CNTNAP4: variants seen among roughly 807,000 people sequenced by gnomAD.
CNTNAP4 encodes the protein contactin-associated protein-like 4.
CNTNAP4 carries 98 observed loss-of-function variants against 148.4 expected under a neutral mutation model. The ratio of observed to expected loss-of-function variants is 0.66; its 90% CI spans 0.56 to 0.78. The LOEUF is 0.78. Ranked by LOEUF, CNTNAP4 falls within the 30% of genes least tolerant of loss-of-function variation. CNTNAP4 has a pLI of 0.00. For missense variants in CNTNAP4, 1,935 were observed against 1,565.6 expected, an observed-to-expected ratio of 1.24 and a Z score of -3.98; for synonymous variants, 730 against 565.1, an observed-to-expected ratio of 1.29 and a Z score of -4.14.
chr16:76,417,791 C>T (rs781202630), intron 3 of CNTNAP4, among the ~76,000 whole-genome samples: 24 of 151,600 alleles, frequency 1.6e-4, no homozygotes, highest in Admixed American at 4.0e-4. Flanking sequence ...GGAATGCTCT[C>T]GATGCATTCC....
At chr16:76,286,425 C>G (rs1256903478) in intron 1 of CNTNAP4, among the ~76,000 whole-genome samples, 4 of 152,066 alleles carry the variant, frequency 2.6e-5, no homozygotes, top group East Asian at 1.9e-4. Flanking sequence ...CTTCTTGGCT[C>G]TAGTTTAAAT....
intron 3 of CNTNAP4, among the ~76,000 whole-genome samples, chr16:76,363,945 T>C (rs1055318322): frequency 7.9e-5 from 12 of 152,024 alleles, no homozygotes; most frequent in Admixed American, 5.9e-4. Flanking sequence ...AGCTTTACCT[T>C]AATATATAAT....
chr16:76,553,158 G>C (rs1005255549), intron 21 of CNTNAP4, 125 bp from the exon 22 acceptor site: 2 of 589,106 alleles, frequency 3.4e-6, no homozygotes, highest in African/African-American at 3.7e-5. Flanking sequence ...TTTTAGTAAA[G>C]ATAAAATTAA....
intron 12 of CNTNAP4, among the ~76,000 whole-genome samples, chr16:76,479,986 A>G (rs28726345): frequency 0.43 from 65,107 of 151,926 alleles, 13,954 homozygotes; most frequent in Admixed American, 0.44. Flanking sequence ...CAAATTACCA[A>G]TAGAAGGAAG....
At chr16:76,503,055 A>G (rs79574950) in intron 15 of CNTNAP4, among the ~76,000 whole-genome samples, 4,959 of 152,234 alleles carry the variant, frequency 0.033, 179 homozygotes, top group East Asian at 0.19. Flanking sequence ...TACTGCTGCT[A>G]TTATTGTTGA....
intron 2 of CNTNAP4, among the ~76,000 whole-genome samples, chr16:76,349,944 C>G (rs1048760925): frequency 1.3e-5 from 2 of 151,956 alleles, no homozygotes; most frequent in Non-Finnish European, 2.9e-5. Flanking sequence ...AAAGGTGATT[C>G]TTATCTATAT....
At chr16:76,338,693 G>T (rs1427803452) in intron 2 of CNTNAP4, among the ~76,000 whole-genome samples, 1 of 152,146 alleles carries the variant, frequency 6.6e-6, no homozygotes, top group Non-Finnish European at 1.5e-5. Flanking sequence ...GACATCATCT[G>T]AGATGAAGAA....
chr16:76,537,504 A>G (rs182892014), intron 18 of CNTNAP4, among the ~76,000 whole-genome samples: 106 of 152,242 alleles, frequency 7.0e-4, no homozygotes, highest in African/African-American at 2.5e-3. Context: ...TTAATCTCAT[A>G]CCAGGAAAAT....
chr16:76,311,485 G>A (rs529604010), intron 1 of CNTNAP4, among the ~76,000 whole-genome samples: 57 of 152,144 alleles, frequency 3.7e-4, no homozygotes, highest in African/African-American at 1.3e-3. Flanking sequence ...TTCTAATGTG[G>A]ATATTTAACA....
At chr16:76,550,375 G>A (rs889942055) in intron 21 of CNTNAP4, among the ~76,000 whole-genome samples, 7 of 152,134 alleles carry the variant, frequency 4.6e-5, no homozygotes, top group Admixed American at 2.0e-4. Flanking sequence ...AACTGACCAT[G>A]TGTCCATTTT....
At chr16:76,414,117 A>G (rs1220534427) in intron 3 of CNTNAP4, among the ~76,000 whole-genome samples, 1 of 151,392 alleles carries the variant, frequency 6.6e-6, no homozygotes, top group African/African-American at 2.4e-5. Context: ...TACAGAACAT[A>G]CTTGTCACAT....
At chr16:76,326,105 A>C (rs1480042179) in intron 2 of CNTNAP4, among the ~76,000 whole-genome samples, 3 of 152,218 alleles carry the variant, frequency 2.0e-5, no homozygotes, top group Non-Finnish European at 2.9e-5. Context: ...AAAAGTCAAA[A>C]TACTCCCTAA....
In CNTNAP4 at chr16:76,470,129, C is replaced by G. The variant is rs565110561; in HGVS notation, c.1655+2606C>G. On this transcript the variant is annotated intron_variant, in intron 10 of 23. Coordinates refer to ENST00000611870, the MANE Select transcript of CNTNAP4 (RefSeq NM_033401.5). ...TTTCCTATAAGTATGGAAACAGATGCACAGAGAGAATAAGTTGGCTAAAAT... is the reference window on the plus strand; with the variant it reads ...TTTCCTATAAGTATGGAAACAGATGGACAGAGAGAATAAGTTGGCTAAAAT... Among the ~76,000 whole-genome samples, 4 of 152,138 alleles carry G rather than the reference C, an allele frequency of 2.6e-5. No homozygotes were observed. The East Asian group carries it at 5.8e-4, about 22-fold the overall frequency.
chr16:76,535,228 A>T (rs147450899), intron 17 of CNTNAP4, among the ~76,000 whole-genome samples: 483 of 152,318 alleles, frequency 3.2e-3, no homozygotes, highest in African/African-American at 0.011. Context: ...CCCAGAAAGT[A>T]GTTTCTACAT....
intron 2 of CNTNAP4, among the ~76,000 whole-genome samples, chr16:76,347,249 T>G (rs1210092476): frequency 6.6e-6 from 1 of 152,008 alleles, no homozygotes; most frequent in African/African-American, 2.4e-5. Context: ...GTGCCTTCAG[T>G]TTGGGTACAG....
intron 3 of CNTNAP4, among the ~76,000 whole-genome samples, chr16:76,386,786 A>G (rs2016551509): frequency 6.6e-6 from 1 of 152,176 alleles, no homozygotes; most frequent in African/African-American, 2.4e-5. Context: ...TTAGGTTGTT[A>G]ATCAGATGAT....
chr16:76,299,379 C>G (rs1000181764), intron 1 of CNTNAP4, among the ~76,000 whole-genome samples: 2 of 152,138 alleles, frequency 1.3e-5, no homozygotes, highest in African/African-American at 4.8e-5. Flanking sequence ...ATGCAGCCGA[C>G]AGACACATGA....
intron 2 of CNTNAP4, among the ~76,000 whole-genome samples, chr16:76,339,704 T>C (rs1443368372): frequency 1.3e-5 from 2 of 152,234 alleles, no homozygotes; most frequent in Admixed American, 6.5e-5. Flanking sequence ...CTATCTAATT[T>C]ATTTCCATTT....
In CNTNAP4 at chr16:76,448,879, C is replaced by T. The variant is rs1393634202; in HGVS notation, c.855C>T (p.Asn285=). ...TCCAGCGTTTGGGCAAACAAGTCAA[C>T]TTCACAGTGGACGAACACAGGCATC... is the stretch of plus-strand genomic sequence containing the variant. The part of the protein sequence containing the change: ...VLIQRLGKQV[N]FTVDEHRHHF... The change falls in exon 6 of 24, where the codon AAC becomes AAT. Residue 285 remains asparagine, a synonymous_variant. Coordinates refer to ENST00000611870, the MANE Select transcript of CNTNAP4 (RefSeq NM_033401.5). The T allele has an allele frequency of 5.6e-6, 9 of 1,613,722 alleles. 1 individual carries two copies. In the South Asian group the frequency reaches 8.8e-5, roughly 16 times the overall value.
Sources: allele counts gnomAD v4.1 joint callset (sites outside exome capture counted in the v4.1 genomes callset), GRCh38; gene constraint gnomAD v4.1.1; transcripts MANE v1.5; gene names NCBI Gene and HGNC (gene_info 2026-07-23, HGNC 2026-07-21).